The following EIF3M variants were observed in gnomAD, a reference collection of about 807,000 sequenced individuals.
EIF3M encodes B5 receptor.
In EIF3M, 25 loss-of-function variants were observed where a neutral mutation model predicts 49.7. That is an observed-to-expected ratio of 0.50 (90% CI 0.37 to 0.70). The LOEUF (loss-of-function observed/expected upper bound fraction) is 0.70, where lower values mean the gene tolerates loss of function less well. Ranked by LOEUF, EIF3M falls within the 30% of genes least tolerant of loss-of-function variation. The pLI is 0.00. For missense variants in EIF3M, 350 were observed against 440.0 expected, an observed-to-expected ratio of 0.80 and a Z score of 1.83; for synonymous variants, 156 against 149.8, an observed-to-expected ratio of 1.04 and a Z score of -0.30.
At chr11:32,584,072 G>A in intron 1 of EIF3M, 143 bp downstream of exon 1, 1 of 1,151,458 alleles carries the variant, frequency 8.7e-7, no homozygotes. Context: ...CCGGTGGCTG[G>A]GGCGCGCGTT....
intron 2 of EIF3M, among the ~76,000 whole-genome samples, chr11:32,588,227 A>G (rs938626584): frequency 1.3e-5 from 2 of 152,016 alleles, no homozygotes; most frequent in African/African-American, 4.8e-5. Context: ...CGTCTCTACT[A>G]AAAATACAAA....
chr11:32,603,107 T>A lies in EIF3M; in HGVS notation c.*708T>A. On this transcript the variant is annotated 3_prime_UTR_variant, in exon 11 of 11. Transcript: ENST00000531120. ...TAAAGCCTCTGCAGTTATGAGTATGTGGTAAAACCACCATCTCTTGGCTGA... is the reference window on the plus strand; with the variant it reads ...TAAAGCCTCTGCAGTTATGAGTATGAGGTAAAACCACCATCTCTTGGCTGA... 1.9e-6 allele frequency: 2 copies of A among 1,065,750 alleles called. No individual in the cohort carries two copies. Among genetic ancestry groups the A allele is most frequent in the Non-Finnish European group, 2.7e-6 (2 of 732,948 alleles). The allele number at this position is 1,065,750 out of a possible 1,614,324, so 66.0% of individuals were successfully genotyped here.
rs145221035 is a variant in EIF3M at position 32,588,433 on chromosome 11, A to G, written c.176-161A>G. Among the ~76,000 whole-genome samples, 389 of 151,510 alleles carry G rather than the reference A, an allele frequency of 2.6e-3. 1 individual carries two copies. The highest frequency in any genetic ancestry group is 8.8e-3 in the African/African-American group (364 of 41,354). ...AAAAGAAACCACATCTTAGGTATCAATTTCCTTCCTCTTTAATAAAATATA... is the reference window on the plus strand; with the variant it reads ...AAAAGAAACCACATCTTAGGTATCAGTTTCCTTCCTCTTTAATAAAATATA... On this transcript the variant is annotated intron_variant, in intron 2 of 10. Coordinates refer to ENST00000531120, the MANE Select transcript of EIF3M (RefSeq NM_006360.6).
At chr11:32,594,792 T>G (rs760382021) in intron 6 of EIF3M, 122 bp from the exon 7 acceptor site, 11 of 726,632 alleles carry the variant, frequency 1.5e-5, no homozygotes, top group Non-Finnish European at 2.2e-5. Context: ...TTTTTAATGT[T>G]GTTTATATGT....
chr11:32,603,888 A>C lies in EIF3M; in HGVS notation c.*1489A>C, dbSNP rs1170297970. The C allele has an allele frequency of 1.3e-5, 2 of 152,248 alleles. No individual in the cohort carries two copies. Among genetic ancestry groups the C allele is most frequent in the Non-Finnish European group, 2.9e-5 (2 of 68,102 alleles). The allele number at this position is 152,248 out of a possible 1,614,324, so 9.4% of individuals were successfully genotyped here. ...TCAGGAGTCGAAAACTAGCCTGAGC[A>C]ACATGGCAAAACCCCATCTCTACCA... On this transcript the variant is annotated 3_prime_UTR_variant, in exon 11 of 11. Transcript: ENST00000531120.
At position 32,602,482 on chromosome 11, in the gene EIF3M, GT is replaced by G; in HGVS notation, c.*84del. ...ATTATAAACTAAAAAAATTTGCCTA[GT>G]CTGGACAGTTATTGTCTCAAATTTA... On this transcript the variant is annotated 3_prime_UTR_variant, in exon 11 of 11. Transcript: ENST00000531120. 1 of 1,471,370 alleles carries G rather than the reference GT, an allele frequency of 6.8e-7. No individual in the cohort carries two copies. The highest frequency in any genetic ancestry group is 9.1e-7 in the Non-Finnish European group (1 of 1,099,030). 91.1% of individuals were successfully genotyped at this position (1,471,370 alleles called of 1,614,324 possible). A position where few individuals can be genotyped will look rare whatever the true frequency, so the allele number is the denominator to read the frequency against.
chr11:32,600,813 T>C lies in EIF3M; in HGVS notation c.924T>C (p.Val308=), dbSNP rs113796540. 8.7e-6 allele frequency: 14 copies of C among 1,607,516 alleles called. No individual in the cohort carries two copies. Among genetic ancestry groups the C allele is most frequent in the African/African-American group, 8.0e-5 (6 of 74,668 alleles). ...AACTTCAGATTGGAGCTGATGATGT[T>C]GAAGCATTTGTTATTGACGGTAAGG... The part of the protein sequence containing the change: ...QQELQIGADD[V]EAFVIDAVRT... Residue 308 remains valine (V), a synonymous_variant, in exon 9 of 11, where the codon GTT becomes GTC. Transcript: ENST00000531120.
chr11:32,595,475 T>A (rs1460029507), intron 7 of EIF3M, among the ~76,000 whole-genome samples: 2 of 152,192 alleles, frequency 1.3e-5, no homozygotes, highest in African/African-American at 4.8e-5. Context: ...CCCCAAATGA[T>A]CTGCCCACTT....
intron 5 of EIF3M, among the ~76,000 whole-genome samples, chr11:32,590,393 C>G (rs374023368): frequency 6.6e-6 from 1 of 152,216 alleles, no homozygotes; most frequent in Non-Finnish European, 1.5e-5. Flanking sequence ...TTGCCTACCC[C>G]TTGTCTAAGT....
In EIF3M at chr11:32,593,896, G is replaced by T. The variant is rs1855140210; in HGVS notation, c.564G>T (p.Leu188Phe). 3 of 1,578,416 alleles carry T rather than the reference G, an allele frequency of 1.9e-6. No individual in the cohort carries two copies. Among genetic ancestry groups the T allele is most frequent in the South Asian group, 1.2e-5 (1 of 85,084 alleles). Residue 188 changes from leucine (L) to phenylalanine (F), a missense_variant, in exon 6 of 11, where the codon TTG (leucine) becomes TTT (phenylalanine). By Grantham distance (22) the Leu-to-Phe change is conservative (BLOSUM62 0). Coordinates refer to ENST00000531120, the MANE Select transcript of EIF3M (RefSeq NM_006360.6). ...SDAASKVMVE[L>F]LGSYTEDNAS... ...CTGCTTCAAAAGTCATGGTGGAATTGCTCGGAAGTTACACAGAGGACAATG... is the reference window on the plus strand; with the variant it reads ...CTGCTTCAAAAGTCATGGTGGAATTTCTCGGAAGTTACACAGAGGACAATG...
At chr11:32,585,480 G>A (rs12293175) in intron 1 of EIF3M, among the ~76,000 whole-genome samples, 1,575 of 152,292 alleles carry the variant, frequency 0.01, 26 homozygotes, top group African/African-American at 0.036. Context: ...AGCTTGATTA[G>A]AGTTAAATGG....
Position 32,596,003 on chromosome 11 carries a change from A to G in EIF3M, c.755A>G (p.Tyr252Cys), listed in dbSNP as rs1855172115. The change falls in exon 8 of 11, where the codon TAT (tyrosine) becomes TGT (cysteine). Residue 252 changes from tyrosine (Y) to cysteine (C), a missense_variant. Transcript: ENST00000531120. ...TTTGTGAGTGCTAAATTGGCATCAT[A>G]TGTCAAGTTTTATCAGAATAATAAA... ...TIFVSAKLAS[Y>C]VKFYQNNKDF... The G allele has an allele frequency of 2.6e-6, 4 of 1,565,256 alleles. No homozygotes were observed. The highest frequency in any genetic ancestry group is 3.4e-6 in the Non-Finnish European group (4 of 1,164,894).
chr11:32,584,010 C>T, intron 1 of EIF3M, 81 bp downstream of exon 1: 1 of 1,570,038 alleles, frequency 6.4e-7, no homozygotes, highest in Non-Finnish European at 8.7e-7. Context: ...GAGCCTGGGC[C>T]GGGCGGCCGG....
intron 9 of EIF3M, chr11:32,601,501 TAAAAAAAAAA>T (rs60498109): frequency 9.2e-6 from 2 of 217,292 alleles, no homozygotes; most frequent in East Asian, 2.3e-4. Context: ...TAGCATTCTT[TAAAAAAAAAA>T]AAAAAAAAAA....
At chr11:32,588,488 T>C (rs919109286) in intron 2 of EIF3M, 106 bp from the exon 3 acceptor site, 14 of 1,333,592 alleles carry the variant, frequency 1.0e-5, no homozygotes, top group Non-Finnish European at 1.3e-5. Flanking sequence ...GAAAGTGTCT[T>C]ACATTTGATG....
intron 8 of EIF3M, among the ~76,000 whole-genome samples, chr11:32,596,646 T>C (rs1451182658): frequency 6.7e-6 from 1 of 150,334 alleles, no homozygotes; most frequent in Non-Finnish European, 1.5e-5. Context: ...AACTTAGCAC[T>C]TGTAATCCCA....
At chr11:32,599,026 A>T (rs1290099598) in intron 8 of EIF3M, among the ~76,000 whole-genome samples, 1 of 152,028 alleles carries the variant, frequency 6.6e-6, no homozygotes, top group Admixed American at 6.6e-5. Flanking sequence ...ATTAATGTGT[A>T]TATTTTTTAT....
At chr11:32,601,527 CA>C in intron 9 of EIF3M, 4 of 265,476 alleles carry the variant, frequency 1.5e-5, no homozygotes, top group East Asian at 6.6e-5. Flanking sequence ...AAAAAAACAG[CA>C]AAAAACTGTA....
At position 32,589,096 on chromosome 11, in the gene EIF3M, T is replaced by G. The variant is rs1855051930; in HGVS notation, c.399T>G (p.Ser133=). 6.2e-7 allele frequency: 1 copy of G among 1,614,114 alleles called. No homozygotes were observed. The highest frequency in any genetic ancestry group is 1.3e-5 in the African/African-American group (1 of 74,942). ...VYCSLIKVAA[S]CGAIQYIPTE... Reference sequence around the variant, plus strand: ...GCAGCCTTATTAAAGTGGCAGCATCTTGTGGGGCCATCCAGTACATCCCAA... The same window carrying G: ...GCAGCCTTATTAAAGTGGCAGCATCGTGTGGGGCCATCCAGTACATCCCAA... The change falls in exon 4 of 11, where the codon TCT becomes TCG. Residue 133 remains serine (S), a synonymous_variant. Transcript: ENST00000531120.
Sources: gnomAD v4.1 joint callset for allele counts (sites outside exome capture counted in the v4.1 genomes callset) on GRCh38, gnomAD v4.1.1 for gene constraint, MANE v1.5 for transcripts, NCBI Gene and HGNC (gene_info 2026-07-23, HGNC 2026-07-21) for gene names.